Variants in TRAPPC9 observed in about 807,000 individuals in gnomAD.
The protein encoded by TRAPPC9 is IKK2 binding protein.
In TRAPPC9, 83 loss-of-function variants were observed where a neutral mutation model predicts 124.0. That is an observed-to-expected ratio of 0.67 (90% confidence interval 0.56 to 0.80). The LOEUF (loss-of-function observed/expected upper bound fraction) is 0.80. Among genes scored for constraint, TRAPPC9 ranks in the 30% least tolerant of loss-of-function variants. TRAPPC9 has a pLI of 0.00. For missense variants in TRAPPC9, 1,302 were observed against 1,508.3 expected (o/e 0.86, Z 2.27); for synonymous variants, 638 against 617.5 (o/e 1.03, Z -0.49).
At chr8:139,878,722 T>C (rs1224789425) in intron 21 of TRAPPC9, among the ~76,000 whole-genome samples, 2 of 152,204 alleles carry the variant, frequency 1.3e-5, no homozygotes, top group Admixed American at 6.5e-5. Context: ...CCCAGCACTT[T>C]GGGAGGCCAA....
At chr8:139,782,539 C>A (rs190225136) in intron 21 of TRAPPC9, among the ~76,000 whole-genome samples, 2 of 152,140 alleles carry the variant, frequency 1.3e-5, no homozygotes, top group African/African-American at 2.4e-5. Flanking sequence ...AAATTACATA[C>A]GTAATAACAG....
At position 140,247,166 on chromosome 8, in the gene TRAPPC9, G is replaced by A. The variant is rs141860005; in HGVS notation, c.2431+5611C>T. 1.2e-4 allele frequency among the ~76,000 whole-genome samples: 19 copies of A among 152,228 alleles called. No individual in the cohort carries two copies. The East Asian group carries it at 2.9e-3, about 23-fold the overall frequency. ...GTTCACCACAAGTCCTTATGACAAC[G>A]TCTCTCTAGTTACTTTGGCTGTGCT... On this transcript the variant is annotated intron_variant, in intron 16 of 22. Coordinates refer to ENST00000438773, the MANE Select transcript of TRAPPC9 (RefSeq NM_001160372.4).
intron 18 of TRAPPC9, among the ~76,000 whole-genome samples, chr8:139,989,778 G>T (rs1837506543): frequency 6.6e-6 from 1 of 152,112 alleles, no homozygotes; most frequent in South Asian, 2.1e-4. Context: ...TGTACAAAGT[G>T]GAAAAGTCCA....
chr8:140,305,538 G>A (rs967686856), intron 10 of TRAPPC9, among the ~76,000 whole-genome samples: 4 of 152,138 alleles, frequency 2.6e-5, no homozygotes, highest in Non-Finnish European at 4.4e-5. Context: ...CTGAGCTCAG[G>A]CAATCCCCCT....
At chr8:140,226,127 G>T (rs1196875561) in intron 16 of TRAPPC9, among the ~76,000 whole-genome samples, 1 of 152,112 alleles carries the variant, frequency 6.6e-6, no homozygotes, top group Non-Finnish European at 1.5e-5. Context: ...TGGGATCAAG[G>T]TTGGCCTTGA....
chr8:140,432,732 C>T (rs1052337766), intron 4 of TRAPPC9, among the ~76,000 whole-genome samples: 6 of 152,026 alleles, frequency 3.9e-5, no homozygotes, highest in Admixed American at 6.6e-5. Context: ...ATTAGCCAGG[C>T]GTGGTGGCGG....
chr8:140,423,697 C>CA (rs2070319179), intron 5 of TRAPPC9, among the ~76,000 whole-genome samples: 1 of 151,288 alleles, frequency 6.6e-6, no homozygotes, highest in Admixed American at 6.6e-5. Flanking sequence ...CACATATACA[C>CA]ATGTATACAC....
intron 7 of TRAPPC9, among the ~76,000 whole-genome samples, chr8:140,386,089 C>T (rs1410594541): frequency 6.6e-6 from 1 of 152,112 alleles, no homozygotes; most frequent in Non-Finnish European, 1.5e-5. Flanking sequence ...TCAATAGATG[C>T]CGAAAAGGCC....
intron 17 of TRAPPC9, among the ~76,000 whole-genome samples, chr8:140,208,951 A>G (rs2062992234): frequency 6.6e-6 from 1 of 152,222 alleles, no homozygotes; most frequent in Admixed American, 6.5e-5. Context: ...GGACTAGAGT[A>G]TGTGTGGATT....
chr8:140,449,111 G>C (rs780327538), intron 2 of TRAPPC9, among the ~76,000 whole-genome samples: 101 of 152,198 alleles, frequency 6.6e-4, no homozygotes, highest in Non-Finnish European at 6.0e-4. Context: ...CCAACTCTGA[G>C]GGCTGGATTT....
Position 140,120,586 on chromosome 8 carries a change from TCATC to T in TRAPPC9, c.2557-96511_2557-96508del, listed in dbSNP as rs780812579. Among the ~76,000 whole-genome samples, 208 of 134,290 alleles carry T rather than the reference TCATC, an allele frequency of 1.5e-3. 1 individual carries two copies. The highest frequency in any genetic ancestry group is 5.4e-3 in the African/African-American group (190 of 35,376). The allele number at this position is 134,290 out of a possible 152,430, so 88.1% of individuals were successfully genotyped here. Reference sequence around the variant, plus strand: ...ATCCATCCAACATCCATCCATCCATTCATCCATCCATCCATCATCCAACATCCAT... The same window carrying T: ...ATCCATCCAACATCCATCCATCCATTCATCCATCCATCATCCAACATCCAT... On this transcript the variant is annotated intron_variant, in intron 17 of 22. Coordinates refer to ENST00000438773, the MANE Select transcript of TRAPPC9 (RefSeq NM_001160372.4).
intron 11 of TRAPPC9, among the ~76,000 whole-genome samples, chr8:140,298,236 C>T (rs2065868092): frequency 6.6e-6 from 1 of 152,170 alleles, no homozygotes; most frequent in Non-Finnish European, 1.5e-5. Flanking sequence ...ACTTTATTTC[C>T]TCTGAAGCAC....
chr8:140,142,701 A>G (rs1270142294), intron 17 of TRAPPC9, among the ~76,000 whole-genome samples: 1 of 152,220 alleles, frequency 6.6e-6, no homozygotes, highest in East Asian at 1.9e-4. Context: ...TATTTTCCAC[A>G]TAGGATCAGG....
chr8:140,376,590 TTGAGGCCAGGCA>T (rs2068447094), intron 7 of TRAPPC9, among the ~76,000 whole-genome samples: 1 of 146,952 alleles, frequency 6.8e-6, no homozygotes, highest in Non-Finnish European at 1.5e-5. Flanking sequence ...AATCACAGTG[TTGAGGCCAGGCA>T]ACGTGGCTCA....
chr8:139,738,939 CTA>C (rs1293715874), intron 21 of TRAPPC9, among the ~76,000 whole-genome samples: 1 of 152,158 alleles, frequency 6.6e-6, no homozygotes, highest in Non-Finnish European at 1.5e-5. Context: ...GTCAGATCCT[CTA>C]TGAGAGGTGC....
At chr8:139,901,019 AAAAAT>A (rs1278213006) in intron 20 of TRAPPC9, among the ~76,000 whole-genome samples, 3 of 151,556 alleles carry the variant, frequency 2.0e-5, no homozygotes, top group African/African-American at 4.8e-5. Context: ...ATAAATAAAT[AAAAAT>A]AAAATAAAAG....
chr8:139,905,121 A>G (rs1208106859), intron 20 of TRAPPC9, among the ~76,000 whole-genome samples: 2 of 152,174 alleles, frequency 1.3e-5, no homozygotes, highest in African/African-American at 4.8e-5. Context: ...CTGTATAGCA[A>G]ATAAGCCCAG....
intron 17 of TRAPPC9, among the ~76,000 whole-genome samples, chr8:140,196,533 AAC>A (rs1454191590): frequency 1.0e-3 from 84 of 80,556 alleles, no homozygotes; most frequent in Middle Eastern, 0.017. Context: ...GTGACACTAA[AAC>A]ACACTCAACG....
At chr8:139,928,901 C>G (rs1367996022) in intron 19 of TRAPPC9, among the ~76,000 whole-genome samples, 22 of 151,860 alleles carry the variant, frequency 1.4e-4, no homozygotes, top group Admixed American at 1.4e-3. Context: ...TCTCCACAGT[C>G]CCTTGCATCA....
Sources: gnomAD v4.1 joint callset for allele counts (sites outside exome capture counted in the v4.1 genomes callset) on GRCh38, gnomAD v4.1.1 for gene constraint, MANE v1.5 for transcripts, NCBI Gene and HGNC (gene_info 2026-07-23, HGNC 2026-07-21) for gene names.